Variants in LEMD1 observed in about 807,000 individuals in gnomAD.
The protein encoded by LEMD1 is LEM domain containing 1, also known as LEM domain-containing protein 1.
In LEMD1, 18 loss-of-function variants were observed where a neutral mutation model predicts 17.4. The ratio of observed to expected loss-of-function variants is 1.04; its 90% CI spans 0.72 to 1.54. LEMD1 has a LOEUF of 1.54. Among genes scored for constraint, LEMD1 ranks in the 40% most tolerant of loss-of-function variants. LEMD1 has a pLI of 0.00. For missense variants in LEMD1, 195 were observed against 210.4 expected (o/e 0.93, Z 0.45); for synonymous variants, 88 against 77.8 (o/e 1.13, Z -0.69).
At chr1:205,435,841 G>A (rs976816812) in intron 1 of LEMD1, 3 of 152,164 alleles carry the variant, frequency 2.0e-5, no homozygotes, top group Non-Finnish European at 4.4e-5. Context: ...GGCTCAAAAG[G>A]GCAGAGACAA....
intron 4 of LEMD1, among the ~76,000 whole-genome samples, chr1:205,391,923 C>G (rs149276297): frequency 5.5e-5 from 8 of 145,726 alleles, no homozygotes; most frequent in African/African-American, 1.8e-4. Context: ...ACCTGGCCAA[C>G]GTGGTGAAAC....
intron 3 of LEMD1, among the ~76,000 whole-genome samples, chr1:205,416,829 A>G (rs1665718871): frequency 6.6e-6 from 1 of 152,244 alleles, no homozygotes; most frequent in African/African-American, 2.4e-5. Context: ...TGAGCTCTCC[A>G]AGTCAAAAAT....
chr1:205,434,106 CTTTTA>C (rs1435406802), intron 1 of LEMD1, among the ~76,000 whole-genome samples: 1 of 152,110 alleles, frequency 6.6e-6, no homozygotes, highest in African/African-American at 2.4e-5. Flanking sequence ...ATCTTTCTCT[CTTTTA>C]TAAGTCTGAA....
intron 1 of LEMD1, chr1:205,435,989 T>C (rs1666198067): frequency 6.6e-6 from 1 of 152,222 alleles, no homozygotes; most frequent in African/African-American, 2.4e-5. Context: ...CTGGCCTCTC[T>C]GGAACAGAGA....
At chr1:205,438,671 A>G (rs186011724) in intron 1 of LEMD1, among the ~76,000 whole-genome samples, 5 of 152,042 alleles carry the variant, frequency 3.3e-5, no homozygotes, top group African/African-American at 9.7e-5. Flanking sequence ...GCTGGCCCCA[A>G]CCTCAGCCCT....
chr1:205,422,816 G>C (rs868655854), upstream of LEMD1, among the ~76,000 whole-genome samples: 1 of 152,182 alleles, frequency 6.6e-6, no homozygotes, highest in African/African-American at 2.4e-5. Flanking sequence ...GAGGACAGTG[G>C]AGACAGCCTG....
intron 4 of LEMD1, 136 bp from the exon 5 acceptor site, chr1:205,384,500 T>A (rs1340130935): frequency 1.9e-6 from 1 of 522,752 alleles, no homozygotes; most frequent in Non-Finnish European, 3.4e-6. Flanking sequence ...TACTTTAAAA[T>A]ACAAACTTGT....
intron 4 of LEMD1, among the ~76,000 whole-genome samples, chr1:205,384,610 G>A (rs778855871): frequency 6.6e-6 from 1 of 152,152 alleles, no homozygotes; most frequent in Non-Finnish European, 1.5e-5. Context: ...AGGGACTAGG[G>A]CCACGTGATG....
At chr1:205,444,120 C>A (rs1338602063) in intron 1 of LEMD1, among the ~76,000 whole-genome samples, 1 of 152,052 alleles carries the variant, frequency 6.6e-6, no homozygotes, top group African/African-American at 2.4e-5. Flanking sequence ...ATGGGAACTC[C>A]CCTCCCATCC....
chr1:205,408,570 G>A (rs1474373708), intron 4 of LEMD1, among the ~76,000 whole-genome samples: 2 of 147,646 alleles, frequency 1.4e-5, no homozygotes, highest in East Asian at 2.0e-4. Flanking sequence ...GTGCCATCAC[G>A]GCTCACTGCA....
intron 1 of LEMD1, among the ~76,000 whole-genome samples, chr1:205,446,586 G>C (rs1666393121): frequency 6.6e-6 from 1 of 152,222 alleles, no homozygotes; most frequent in Non-Finnish European, 1.5e-5. Flanking sequence ...CAGTTGCAGG[G>C]GGCAGGAAGG....
chr1:205,389,274 C>T (rs551292976), intron 4 of LEMD1, among the ~76,000 whole-genome samples: 4 of 152,010 alleles, frequency 2.6e-5, no homozygotes, highest in African/African-American at 7.2e-5. Flanking sequence ...GTCTTGAACT[C>T]CTGACCTTAA....
intron 1 of LEMD1, among the ~76,000 whole-genome samples, chr1:205,443,602 A>T (rs949599422): frequency 2.0e-5 from 3 of 152,126 alleles, no homozygotes; most frequent in Admixed American, 2.0e-4. Flanking sequence ...GGGTCCTTGT[A>T]TCTAAGAGTA....
intron 1 of LEMD1, among the ~76,000 whole-genome samples, 184 bp downstream of exon 1, chr1:205,421,806 C>T (rs945523159): frequency 2.6e-5 from 4 of 152,136 alleles, no homozygotes; most frequent in African/African-American, 9.7e-5. Flanking sequence ...TGGAAGCTTG[C>T]TTCGGCAGAT....
chr1:205,418,252 G>T (rs927974371), intron 3 of LEMD1, among the ~76,000 whole-genome samples: 1 of 152,156 alleles, frequency 6.6e-6, no homozygotes, highest in Non-Finnish European at 1.5e-5. Context: ...GGCTCATAGA[G>T]AACTCATGAT....
intron 4 of LEMD1, among the ~76,000 whole-genome samples, chr1:205,393,805 C>T (rs1202869623): frequency 6.9e-6 from 1 of 144,932 alleles, no homozygotes; most frequent in Non-Finnish European, 1.5e-5. Flanking sequence ...CTCCGAAAGT[C>T]AGATATAGAA....
chr1:205,445,553 C>T (rs944819415), intron 1 of LEMD1, among the ~76,000 whole-genome samples: 2 of 151,930 alleles, frequency 1.3e-5, no homozygotes, highest in African/African-American at 2.4e-5. Flanking sequence ...GACCAGCCAC[C>T]CTTGTATCTT....
chr1:205,411,448 G>A (rs1011988136), intron 4 of LEMD1, among the ~76,000 whole-genome samples: 17 of 151,776 alleles, frequency 1.1e-4, no homozygotes, highest in African/African-American at 3.1e-4. Flanking sequence ...CCAGCTACCC[G>A]GAGAGGCAGA....
rs558927539 is a variant in LEMD1, at chr1:205,419,142, G to C, written c.205+88C>G. 1.8e-5 allele frequency: 26 copies of C among 1,479,940 alleles called. No individual in the cohort carries two copies. In the African/African-American group the frequency reaches 2.1e-4, roughly 12 times the overall value. The allele number at this position is 1,479,940 out of a possible 1,614,324, so 91.7% of individuals were successfully genotyped here. On this transcript the variant is annotated intron_variant, in intron 3 of 5. Transcript: ENST00000367153. ...CTATGGCTATTTCACAGGTCAGGCT[G>C]CACACCATTTAAAGCTGCATAAATC...
Sources: gnomAD v4.1 joint callset for allele counts (sites outside exome capture counted in the v4.1 genomes callset) on GRCh38, gnomAD v4.1.1 for gene constraint, MANE v1.5 for transcripts, NCBI Gene and HGNC (gene_info 2026-07-23, HGNC 2026-07-21) for gene names.